Variants in PTPRM observed in about 807,000 individuals in gnomAD.
PTPRM encodes receptor-type tyrosine-protein phosphatase mu.
Under a neutral mutation model 186.7 loss-of-function variants are expected in PTPRM, and 47 were observed. That is an observed-to-expected ratio of 0.25 (90% CI 0.20 to 0.32). The LOEUF (loss-of-function observed/expected upper bound fraction) is 0.32, where lower values mean the gene tolerates loss of function less well. PTPRM is among the 10% of genes least tolerant of loss of function. The pLI is 1.00. For missense variants in PTPRM, 1,494 were observed against 1,865.0 expected (o/e 0.80, Z 3.66); for synonymous variants, 668 against 674.9 (o/e 0.99, Z 0.16).
At chr18:8,178,435 T>C (rs1315240291) in intron 14 of PTPRM, among the ~76,000 whole-genome samples, 27 of 152,198 alleles carry the variant, frequency 1.8e-4, no homozygotes, top group Admixed American at 1.8e-3. Context: ...TTGGCCTGAT[T>C]ATTTGCATAA....
At chr18:7,931,907 AGT>A (rs1282669152) in intron 5 of PTPRM, among the ~76,000 whole-genome samples, 1 of 152,178 alleles carries the variant, frequency 6.6e-6, no homozygotes, top group Non-Finnish European at 1.5e-5. Flanking sequence ...AAAGCTAGCT[AGT>A]GTTTATGTAC....
intron 13 of PTPRM, among the ~76,000 whole-genome samples, chr18:8,137,123 C>A (rs1223439587): frequency 6.6e-6 from 1 of 152,118 alleles, no homozygotes; most frequent in Admixed American, 6.5e-5. Flanking sequence ...ACTTTTAGCT[C>A]TTCTCCCTGT....
At chr18:7,799,376 T>C (rs1005604643) in intron 2 of PTPRM, among the ~76,000 whole-genome samples, 6 of 152,178 alleles carry the variant, frequency 3.9e-5, no homozygotes, top group Non-Finnish European at 8.8e-5. Flanking sequence ...AATATATGAA[T>C]TTTGGAGAGA....
intron 2 of PTPRM, among the ~76,000 whole-genome samples, chr18:7,822,939 C>T (rs770859750): frequency 3.9e-5 from 6 of 152,088 alleles, no homozygotes; most frequent in Non-Finnish European, 7.4e-5. Context: ...GTATAGTCTC[C>T]GTGACATCCT....
At chr18:7,622,666 C>T (rs1483498290) in intron 1 of PTPRM, among the ~76,000 whole-genome samples, 1 of 152,124 alleles carries the variant, frequency 6.6e-6, no homozygotes, top group Non-Finnish European at 1.5e-5. Context: ...CTGCTGCCCT[C>T]CTGCAGGGCT....
At chr18:7,788,902 A>C (rs2043210172) in intron 2 of PTPRM, among the ~76,000 whole-genome samples, 2 of 152,176 alleles carry the variant, frequency 1.3e-5, no homozygotes, top group South Asian at 4.1e-4. Context: ...ATAGATAGTT[A>C]ATATTTAAGC....
intron 2 of PTPRM, among the ~76,000 whole-genome samples, chr18:7,804,764 T>C (rs2145402620): frequency 6.6e-6 from 1 of 152,356 alleles, no homozygotes; most frequent in South Asian, 2.1e-4. Flanking sequence ...TTTAGATCAC[T>C]TTCTTCCCTT....
intron 2 of PTPRM, among the ~76,000 whole-genome samples, chr18:7,809,678 C>T (rs1246619240): frequency 6.6e-6 from 1 of 152,170 alleles, no homozygotes; most frequent in Non-Finnish European, 1.5e-5. Context: ...ACCGTAAGCT[C>T]ATCCTCTGCC....
chr18:7,596,192 G>C (rs74810948), intron 1 of PTPRM, among the ~76,000 whole-genome samples: 1 of 151,940 alleles, frequency 6.6e-6, no homozygotes, highest in South Asian at 2.1e-4. Context: ...ACTGTCATAC[G>C]GTGACAGTTG....
chr18:7,919,309 T>C (rs1568013893), intron 4 of PTPRM, among the ~76,000 whole-genome samples: 1 of 152,190 alleles, frequency 6.6e-6, no homozygotes, highest in Non-Finnish European at 1.5e-5. Flanking sequence ...AATTTTAGCA[T>C]TATATTTTCT....
At chr18:8,085,631 T>A (rs778781989) in intron 9 of PTPRM, 40 bp from the exon 10 acceptor site, 5 of 1,511,136 alleles carry the variant, frequency 3.3e-6, no homozygotes, top group Admixed American at 3.4e-5. Context: ...TCTGAGTCCA[T>A]CTGCTCCAGA....
At chr18:8,388,196 A>G (rs1275901991) in intron 31 of PTPRM, among the ~76,000 whole-genome samples, 1 of 152,258 alleles carries the variant, frequency 6.6e-6, no homozygotes, top group Non-Finnish European at 1.5e-5. Context: ...GCAATTAGAA[A>G]GTCACGGCAG....
Position 8,159,171 on chromosome 18 carries a change from G to A in PTPRM, c.2300+15392G>A, listed in dbSNP as rs145029117. On this transcript the variant is annotated intron_variant, in intron 14 of 32. Coordinates refer to ENST00000580170, the MANE Select transcript of PTPRM (RefSeq NM_001105244.2). ...ATACAGAGGCGCCACTGTGTTGATT[G>A]AGAAAGGAATATTTTGGATGGATCT... Among the ~76,000 whole-genome samples, 485 of 152,252 alleles carry A rather than the reference G, an allele frequency of 3.2e-3. 1 individual carries two copies. Among genetic ancestry groups the A allele is most frequent in the Non-Finnish European group, 4.9e-3 (335 of 68,014 alleles).
chr18:8,299,925 C>A (rs908620752), intron 20 of PTPRM, among the ~76,000 whole-genome samples: 4 of 152,104 alleles, frequency 2.6e-5, no homozygotes, highest in African/African-American at 7.2e-5. Flanking sequence ...TTTTTCTTAC[C>A]CCCCAGGGCA....
intron 1 of PTPRM, among the ~76,000 whole-genome samples, chr18:7,626,068 A>G (rs537621941): frequency 6.6e-6 from 1 of 152,358 alleles, no homozygotes; most frequent in East Asian, 1.9e-4. Flanking sequence ...AACATTCATA[A>G]AAGCATCTAA....
chr18:8,030,914 G>A (rs1360238026), intron 7 of PTPRM, among the ~76,000 whole-genome samples: 1 of 152,164 alleles, frequency 6.6e-6, no homozygotes, highest in African/African-American at 2.4e-5. Flanking sequence ...ATTAATGGTA[G>A]AATAAAATGC....
chr18:8,173,359 T>C lies in PTPRM; in HGVS notation c.2300+29580T>C, dbSNP rs192144572. 2.1e-4 allele frequency among the ~76,000 whole-genome samples: 32 copies of C among 152,354 alleles called. No homozygotes were observed. The East Asian group carries it at 6.2e-3, about 29-fold the overall frequency. On this transcript the variant is annotated intron_variant, in intron 14 of 32. Coordinates refer to ENST00000580170, the MANE Select transcript of PTPRM (RefSeq NM_001105244.2). ...GAATGATTATTATTTTCACAATATT[T>C]CTTAACACTTGGTAAAACCAGCAGA... is the stretch of plus-strand genomic sequence containing the variant.
intron 7 of PTPRM, among the ~76,000 whole-genome samples, chr18:7,961,714 GA>G (rs2053692535): frequency 6.6e-6 from 1 of 152,204 alleles, no homozygotes; most frequent in Admixed American, 6.5e-5. Flanking sequence ...CTGGGAATAG[GA>G]GTGATGTATT....
chr18:8,068,222 A>G (rs1219364714), intron 7 of PTPRM, among the ~76,000 whole-genome samples: 1 of 152,236 alleles, frequency 6.6e-6, no homozygotes, highest in Non-Finnish European at 1.5e-5. Flanking sequence ...TAGCTTTTAT[A>G]TCTCAAGTTT....
Sources: allele counts gnomAD v4.1 joint callset (sites outside exome capture counted in the v4.1 genomes callset), GRCh38; gene constraint gnomAD v4.1.1; transcripts MANE v1.5; gene names NCBI Gene and HGNC (gene_info 2026-07-23, HGNC 2026-07-21).